The following PCDHA10 variants were observed in gnomAD, a reference collection of about 807,000 sequenced individuals.
The protein encoded by PCDHA10 is protocadherin alpha 10.
In PCDHA10, 45 loss-of-function variants were observed where a neutral mutation model predicts 61.2. The ratio of observed to expected loss-of-function variants is 0.74; its 90% CI spans 0.58 to 0.94. The LOEUF is 0.94. Ranked by LOEUF, PCDHA10 falls within the 40% of genes least tolerant of loss-of-function variation. The pLI is 0.00. For missense variants in PCDHA10, 1,278 were observed against 1,236.2 expected (o/e 1.03, Z -0.51); for synonymous variants, 602 against 548.8 (o/e 1.10, Z -1.35).
intron 1 of PCDHA10, chr5:140,967,103 C>T: frequency 6.2e-7 from 1 of 1,613,024 alleles, no homozygotes; most frequent in Non-Finnish European, 8.5e-7. Context: ...GCTGTGTGAG[C>T]AGCGGCCTCG....
intron 3 of PCDHA10, among the ~76,000 whole-genome samples, chr5:140,992,190 A>C (rs1452489619): frequency 1.3e-5 from 2 of 152,134 alleles, no homozygotes; most frequent in African/African-American, 2.4e-5. Flanking sequence ...GCTTTCAGTG[A>C]TCTATCCAAT....
intron 1 of PCDHA10, chr5:140,882,379 G>A (rs782537158): frequency 1.9e-6 from 3 of 1,614,230 alleles, no homozygotes; most frequent in South Asian, 1.1e-5. Context: ...CCGTCCCCGA[G>A]GAAGCAAAAC....
chr5:140,997,958 G>A (rs890356748), intron 3 of PCDHA10, among the ~76,000 whole-genome samples: 3 of 152,126 alleles, frequency 2.0e-5, no homozygotes, highest in Non-Finnish European at 2.9e-5. Context: ...TGGCATTCAC[G>A]TACCTGTGGT....
In PCDHA10 at chr5:140,978,698, A is replaced by C. The variant is rs150194035; in HGVS notation, c.2389-251A>C. 1.4e-3 allele frequency among the ~76,000 whole-genome samples: 215 copies of C among 152,372 alleles called. 5 individuals carry two copies. In the South Asian group the frequency reaches 0.033, roughly 23 times the overall value. ...ACATGTATTGGGCAAGGCAAAGCCA[A>C]AGGTGGCCTTTACAAGATTATTAAA... is the stretch of plus-strand genomic sequence containing the variant. On this transcript the variant is annotated intron_variant, in intron 1 of 3. Transcript: ENST00000307360.
intron 1 of PCDHA10, among the ~76,000 whole-genome samples, chr5:140,957,433 A>G (rs2095359030): frequency 6.6e-6 from 1 of 152,202 alleles, no homozygotes; most frequent in Non-Finnish European, 1.5e-5. Flanking sequence ...TACTGTGCCT[A>G]ATTTATAAAT....
intron 1 of PCDHA10, among the ~76,000 whole-genome samples, chr5:140,946,432 A>C (rs1254032204): frequency 6.6e-6 from 1 of 151,682 alleles, no homozygotes; most frequent in Admixed American, 6.6e-5. Context: ...GTTACTCAAA[A>C]ATTGAGACTA....
chr5:140,979,592 T>C (rs1554240865), intron 2 of PCDHA10, among the ~76,000 whole-genome samples: 1 of 152,248 alleles, frequency 6.6e-6, no homozygotes, highest in African/African-American at 2.4e-5. Flanking sequence ...CTAGCTTACT[T>C]TAAATTAACC....
At chr5:140,965,639 C>G (rs781995485) in intron 1 of PCDHA10, among the ~76,000 whole-genome samples, 1 of 152,000 alleles carries the variant, frequency 6.6e-6, no homozygotes, top group Non-Finnish European at 1.5e-5. Flanking sequence ...TTTTAAATTA[C>G]TCTTGAAAGA....
In PCDHA10 at chr5:140,982,563, G is replaced by C; in HGVS notation, c.2536G>C (p.Glu846Gln). 3 of 1,614,072 alleles carry C rather than the reference G, an allele frequency of 1.9e-6. No homozygotes were observed. The highest frequency in any genetic ancestry group is 2.5e-6 in the Non-Finnish European group (3 of 1,179,960). The change falls in exon 3 of 4, where the codon GAA (glutamate) becomes CAA (glutamine). Residue 846 changes from glutamate (E) to glutamine (Q), a missense_variant and splice_region_variant. By Grantham distance (29) the Glu-to-Gln change is conservative (BLOSUM62 2). Transcript: ENST00000307360. Reference protein sequence around the residue: ...QWPTVSSATPEPEAGEVSPPV... With the variant: ...QWPTVSSATPQPEAGEVSPPV... Reference sequence around the variant, plus strand: ...GCCAACAGTATCCAGTGCAACACCAGGTAAAGAGCTGGGGTCTCTCCATTC... The same window carrying C: ...GCCAACAGTATCCAGTGCAACACCACGTAAAGAGCTGGGGTCTCTCCATTC...
chr5:140,883,518 G>A, intron 1 of PCDHA10: 2 of 1,614,234 alleles, frequency 1.2e-6, no homozygotes, highest in South Asian at 1.1e-5. Flanking sequence ...GACCGCGAGA[G>A]CGTATCAGCC....
At chr5:140,860,513 C>A (rs1176536406) in intron 1 of PCDHA10, 3 of 152,110 alleles carry the variant, frequency 2.0e-5, no homozygotes, top group African/African-American at 7.2e-5. Context: ...AGATAAAACT[C>A]TTCATGGAAT....
chr5:140,897,540 A>C (rs1554187435), intron 1 of PCDHA10, among the ~76,000 whole-genome samples: 1 of 152,052 alleles, frequency 6.6e-6, no homozygotes, highest in Non-Finnish European at 1.5e-5. Flanking sequence ...ATGGCTGCAT[A>C]GTCTTCCATG....
At chr5:141,000,361 GTC>G (rs148596731) in intron 3 of PCDHA10, among the ~76,000 whole-genome samples, 577 of 26,370 alleles carry the variant, frequency 0.022, 17 homozygotes, top group Admixed American at 0.027. Context: ...GTCTCTCTCT[GTC>G]TCTCTCTCTC....
intron 1 of PCDHA10, among the ~76,000 whole-genome samples, chr5:140,955,335 A>G (rs538609650): frequency 6.6e-6 from 1 of 152,266 alleles, no homozygotes; most frequent in South Asian, 2.1e-4. Flanking sequence ...AGTTCCCATA[A>G]TCCCCACATG....
intron 1 of PCDHA10, chr5:140,884,345 C>A (rs782318945): frequency 1.2e-6 from 2 of 1,613,916 alleles, no homozygotes; most frequent in African/African-American, 2.7e-5. Flanking sequence ...AGAAGCGGCG[C>A]TGGTGGATGT....
chr5:140,925,673 T>TAATAAA (rs2082657999), intron 1 of PCDHA10, among the ~76,000 whole-genome samples: 1 of 146,030 alleles, frequency 6.8e-6, no homozygotes, highest in Non-Finnish European at 1.5e-5. Context: ...ATAATAATAA[T>TAATAAA]AATAAAGCGA....
chr5:140,996,135 C>T (rs2097713564), intron 3 of PCDHA10, among the ~76,000 whole-genome samples: 1 of 152,140 alleles, frequency 6.6e-6, no homozygotes, highest in Non-Finnish European at 1.5e-5. Flanking sequence ...AGAGGGTTCT[C>T]CCATTATCTT....
At position 140,945,942 on chromosome 5, in the gene PCDHA10, A is replaced by G. The variant is rs534164272; in HGVS notation, c.2389-33007A>G. 2.0e-5 allele frequency among the ~76,000 whole-genome samples: 3 copies of G among 152,196 alleles called. No individual in the cohort carries two copies. In the South Asian group the frequency reaches 6.2e-4, roughly 32 times the overall value. ...ACTGATCTGAGCAATGATGTTTTTT[A>G]TATGACCCTGAAAGCACAGGCAATA... On this transcript the variant is annotated intron_variant, in intron 1 of 3. Coordinates refer to ENST00000307360, the MANE Select transcript of PCDHA10 (RefSeq NM_018901.4).
intron 1 of PCDHA10, among the ~76,000 whole-genome samples, chr5:140,899,719 C>A (rs2067514429): frequency 6.6e-6 from 1 of 152,198 alleles, no homozygotes; most frequent in Non-Finnish European, 1.5e-5. Flanking sequence ...AGGATTCCCT[C>A]TTTTTCTATT....
Sources: gnomAD v4.1 joint callset for allele counts (sites outside exome capture counted in the v4.1 genomes callset) on GRCh38, gnomAD v4.1.1 for gene constraint, MANE v1.5 for transcripts, NCBI Gene and HGNC (gene_info 2026-07-23, HGNC 2026-07-21) for gene names.